The following UBN2 variants were observed in gnomAD, a reference collection of about 807,000 sequenced individuals.
UBN2 encodes ubinuclein 2, also known as ubinuclein-2.
Under a neutral mutation model 120.2 loss-of-function variants are expected in UBN2, and 35 were observed. That is an observed-to-expected ratio of 0.29 (90% confidence interval 0.22 to 0.39). The LOEUF (loss-of-function observed/expected upper bound fraction) is 0.39, where lower values mean the gene tolerates loss of function less well. UBN2 is among the 10% of genes least tolerant of loss of function. The pLI is 1.00. For synonymous variants in UBN2, 661 were observed against 648.7 expected, an observed-to-expected ratio of 1.02 and a Z score of -0.29; for missense variants, 1,693 against 1,663.2, an observed-to-expected ratio of 1.02 and a Z score of -0.31.
intron 3 of UBN2, among the ~76,000 whole-genome samples, chr7:139,256,606 G>T (rs973711606): frequency 2.0e-5 from 3 of 152,118 alleles, no homozygotes; most frequent in African/African-American, 7.2e-5. Flanking sequence ...ATAAAGCATT[G>T]TACAAAACAA....
At chr7:139,309,711 A>C (rs1465658083), downstream of UBN2, among the ~76,000 whole-genome samples, 1 of 152,208 alleles carries the variant, frequency 6.6e-6, no homozygotes, top group Non-Finnish European at 1.5e-5. Flanking sequence ...TCTTCTACTA[A>C]AAATACAAAA....
At chr7:139,322,276 G>A in the UBN2 span, among the ~76,000 whole-genome samples, 1 of 151,988 alleles carries the variant, frequency 6.6e-6, no homozygotes, top group East Asian at 1.9e-4. Context: ...GCACAGCGGA[G>A]ACTATTTTTT....
chr7:139,319,372 C>T, the UBN2 span, among the ~76,000 whole-genome samples: 16 of 152,288 alleles, frequency 1.1e-4, no homozygotes, highest in South Asian at 2.1e-4. Context: ...CATGAGCCAC[C>T]GCACCCGGTC....
At chr7:139,324,765 G>T in the UBN2 span, among the ~76,000 whole-genome samples, 1 of 152,062 alleles carries the variant, frequency 6.6e-6, no homozygotes, top group Non-Finnish European at 1.5e-5. Flanking sequence ...CAGGTCAGAA[G>T]TTCGAAACCA....
At chr7:139,325,092 G>C in the UBN2 span, among the ~76,000 whole-genome samples, 1 of 151,962 alleles carries the variant, frequency 6.6e-6, no homozygotes, top group Non-Finnish European at 1.5e-5. Context: ...GTTGATAAAA[G>C]TATTTTCAAA....
intron 14 of UBN2, among the ~76,000 whole-genome samples, chr7:139,282,621 A>C (rs1797648237): frequency 6.6e-6 from 1 of 152,178 alleles, no homozygotes; most frequent in Non-Finnish European, 1.5e-5. Context: ...CTCCTAGCAA[A>C]CCATCCCAGA....
At chr7:139,278,946 A>G (rs2131025231) in intron 12 of UBN2, among the ~76,000 whole-genome samples, 1 of 151,918 alleles carries the variant, frequency 6.6e-6, no homozygotes, top group East Asian at 1.9e-4. Flanking sequence ...TTTCTTTAAA[A>G]GCTCAGGGTT....
the UBN2 span, among the ~76,000 whole-genome samples, chr7:139,329,154 A>T: frequency 6.6e-6 from 1 of 151,534 alleles, no homozygotes; most frequent in African/African-American, 2.4e-5. Context: ...AATGATTTAG[A>T]GGTCAGTATG....
chr7:139,266,396 C>A lies in UBN2; in HGVS notation c.1459C>A (p.Leu487Ile). The A allele has an allele frequency of 1.3e-6, 2 of 1,502,252 alleles. No homozygotes were observed. Among genetic ancestry groups the A allele is most frequent in the Non-Finnish European group, 1.8e-6 (2 of 1,100,502 alleles). The allele number at this position is 1,502,252 out of a possible 1,614,324, so 93.1% of individuals were successfully genotyped here. A position where few individuals can be genotyped will look rare whatever the true frequency, so the allele number is the denominator to read the frequency against. ...CTTTACACAGGATATGAATAATATT[C>A]TTCTGGAGTAAGTAATTTTCTTTAA... is the stretch of plus-strand genomic sequence containing the variant. The part of the protein sequence containing the change: ...KFFTQDMNNI[L>I]LDIELQLQEL... Residue 487 changes from leucine to isoleucine, a missense_variant, in exon 7 of 18, where the codon CTT becomes ATT. This residue lies in a region of UBN2 where 178 missense variants were observed against 204.0 expected (regional missense o/e 0.87). Transcript: ENST00000473989.
the UBN2 span, among the ~76,000 whole-genome samples, chr7:139,323,636 CTG>C: frequency 1.3e-5 from 2 of 150,714 alleles, no homozygotes; most frequent in African/African-American, 4.9e-5. Flanking sequence ...ACCACACAGA[CTG>C]GAGTTCAGTG....
At chr7:139,312,989 T>C (rs1442604163), downstream of UBN2, among the ~76,000 whole-genome samples, 1 of 152,184 alleles carries the variant, frequency 6.6e-6, no homozygotes, top group Non-Finnish European at 1.5e-5. Flanking sequence ...TCTGTTCCAT[T>C]GTTCTTTTTA....
intron 15 of UBN2, among the ~76,000 whole-genome samples, chr7:139,289,458 G>T (rs749317611): frequency 4.2e-5 from 6 of 144,564 alleles, no homozygotes; most frequent in Admixed American, 7.6e-5. Context: ...TGTTGCCCAG[G>T]CTGGAGTGCA....
intron 15 of UBN2, among the ~76,000 whole-genome samples, chr7:139,285,920 T>G (rs2131045179): frequency 6.6e-6 from 1 of 152,004 alleles, no homozygotes; most frequent in East Asian, 1.9e-4. Flanking sequence ...TTTTTGTATA[T>G]TTATTTATTA....
At chr7:139,263,241 C>A (rs1296078319) in intron 6 of UBN2, among the ~76,000 whole-genome samples, 2 of 152,172 alleles carry the variant, frequency 1.3e-5, no homozygotes, top group East Asian at 1.9e-4. Flanking sequence ...GTATATATAT[C>A]AAATATGAAA....
chr7:139,244,317 C>T (rs192946959), intron 2 of UBN2, among the ~76,000 whole-genome samples: 1 of 152,320 alleles, frequency 6.6e-6, no homozygotes, highest in East Asian at 1.9e-4. Flanking sequence ...TGTATCCTTT[C>T]AGGAGTTTTA....
In UBN2 at chr7:139,261,410, T is replaced by C; in HGVS notation, c.1064T>C (p.Leu355Pro). 5.0e-6 allele frequency: 8 copies of C among 1,614,228 alleles called. No homozygotes were observed. The highest frequency in any genetic ancestry group is 6.8e-6 in the Non-Finnish European group (8 of 1,180,040). ...KVPVTLSTPS[L>P]NKPPCAAAAL... ...CCAGTGACCTTGTCAACCCCTTCTC[T>C]GAATAAACCCCCATGTGCTGCTGCA... is the stretch of plus-strand genomic sequence containing the variant. The change falls in exon 6 of 18, where the codon CTG (leucine) becomes CCG (proline). Residue 355 changes from leucine (L) to proline (P), a missense_variant. Leu to Pro is a moderately conservative substitution (Grantham distance 98, BLOSUM62 -3). Transcript: ENST00000473989.
chr7:139,309,013 G>A (rs1178486413), downstream of UBN2, among the ~76,000 whole-genome samples: 3 of 152,180 alleles, frequency 2.0e-5, no homozygotes, highest in Non-Finnish European at 4.4e-5. Flanking sequence ...GAACCAGTGA[G>A]CCGAGATTGC....
chr7:139,231,517 C>A lies in UBN2; in HGVS notation c.33C>A (p.Ser11Arg). Residue 11 changes from serine to arginine, a missense_variant, in exon 1 of 18, where the codon AGC (serine) becomes AGA (arginine). Physicochemically the swap from Ser to Arg is moderately radical, Grantham distance 110. Around this residue, in one of 5 missense-constraint regions of UBN2, gnomAD observed 663 missense variants for 591.2 expected, o/e 1.12. Coordinates refer to ENST00000473989, the MANE Select transcript of UBN2 (RefSeq NM_173569.4). Reference sequence around the variant, plus strand: ...AGCCGCGCAGAGTAGCGTTCATTAGCTTGTCACCGGTGCGGCGGCGCGAGG... The same window carrying A: ...AGCCGCGCAGAGTAGCGTTCATTAGATTGTCACCGGTGCGGCGGCGCGAGG... Reference protein sequence around the residue: MAEPRRVAFISLSPVRRREAE... With the variant: MAEPRRVAFIRLSPVRRREAE... 1 of 1,418,432 alleles carries A rather than the reference C, an allele frequency of 7.1e-7. No individual in the cohort carries two copies. The highest frequency in any genetic ancestry group is 9.3e-7 in the Non-Finnish European group (1 of 1,078,602). The allele number at this position is 1,418,432 out of a possible 1,614,324, so 87.9% of individuals were successfully genotyped here. A position where few individuals can be genotyped will look rare whatever the true frequency, so the allele number is the denominator to read the frequency against.
At chr7:139,327,599 T>G in the UBN2 span, among the ~76,000 whole-genome samples, 1 of 152,162 alleles carries the variant, frequency 6.6e-6, no homozygotes, top group Non-Finnish European at 1.5e-5. Flanking sequence ...ATAACAATAT[T>G]AATGCACTCT....
Sources: gnomAD v4.1 joint callset for allele counts (sites outside exome capture counted in the v4.1 genomes callset) on GRCh38, gnomAD v4.1.1 for gene constraint, gnomAD v4.1.1 regional missense constraint, MANE v1.5 for transcripts, NCBI Gene and HGNC (gene_info 2026-07-23, HGNC 2026-07-21) for gene names.